The following METTL24 variants were observed in gnomAD, a reference collection of about 807,000 sequenced individuals.
METTL24 encodes the protein methyltransferase like 24.
METTL24 carries 29 observed loss-of-function variants against 32.7 expected under a neutral mutation model. That is an observed-to-expected ratio of 0.89 (90% CI 0.66 to 1.21). The LOEUF (loss-of-function observed/expected upper bound fraction) is 1.21. Among genes scored for constraint, METTL24 ranks in the 50% most tolerant of loss-of-function variants. The probability of loss-of-function intolerance (pLI) is 0.00; values close to 1 mark genes in which losing one functional copy is unlikely to be tolerated. For synonymous variants in METTL24, 163 were observed against 179.5 expected (o/e 0.91, Z 0.73); for missense variants, 439 against 468.1 (o/e 0.94, Z 0.57).
intron 1 of METTL24, among the ~76,000 whole-genome samples, chr6:110,323,094 A>G (rs1002839381): frequency 6.6e-6 from 1 of 152,170 alleles, no homozygotes; most frequent in Non-Finnish European, 1.5e-5. Flanking sequence ...CAGGTTGGGG[A>G]ATTTGCAGGA....
At chr6:110,321,297 A>G (rs958070681) in intron 2 of METTL24, among the ~76,000 whole-genome samples, 3 of 152,230 alleles carry the variant, frequency 2.0e-5, no homozygotes, top group Non-Finnish European at 4.4e-5. Flanking sequence ...TTTCTGGGAA[A>G]GATCCAAGAG....
intron 1 of METTL24, among the ~76,000 whole-genome samples, chr6:110,345,571 A>G (rs533346928): frequency 6.6e-6 from 1 of 152,370 alleles, no homozygotes; most frequent in East Asian, 1.9e-4. Context: ...TGTGGTACAT[A>G]TACACCATGG....
chr6:110,347,797 GA>G (rs143701674), intron 1 of METTL24, among the ~76,000 whole-genome samples: 7 of 151,690 alleles, frequency 4.6e-5, no homozygotes, highest in Non-Finnish European at 1.0e-4. Context: ...GCTTTGAGAG[GA>G]AAAAAAATCA....
At chr6:110,274,493 T>A (rs1771010190) in intron 4 of METTL24, among the ~76,000 whole-genome samples, 1 of 152,094 alleles carries the variant, frequency 6.6e-6, no homozygotes, top group Non-Finnish European at 1.5e-5. Flanking sequence ...TACAATGAAC[T>A]TTGGGGACTC....
At chr6:110,318,666 A>G (rs574904210) in intron 2 of METTL24, among the ~76,000 whole-genome samples, 487 of 151,284 alleles carry the variant, frequency 3.2e-3, no homozygotes, top group African/African-American at 6.9e-3. Flanking sequence ...AAAAAAAAAA[A>G]AAAGAAAGAA....
chr6:110,353,554 T>A (rs966154890), intron 1 of METTL24, among the ~76,000 whole-genome samples: 64 of 150,748 alleles, frequency 4.2e-4, no homozygotes, highest in African/African-American at 1.5e-3. Context: ...GTTCTTTTTT[T>A]TTTTTTTTTT....
chr6:110,314,826 G>C (rs932173132), intron 3 of METTL24, among the ~76,000 whole-genome samples: 1 of 152,150 alleles, frequency 6.6e-6, no homozygotes, highest in East Asian at 1.9e-4. Context: ...AGCCGGGTGT[G>C]GTGGGTGCAT....
chr6:110,248,167 A>G (rs1280209639), intron 4 of METTL24, among the ~76,000 whole-genome samples: 1 of 152,166 alleles, frequency 6.6e-6, no homozygotes, highest in Non-Finnish European at 1.5e-5. Context: ...CACCAGGAGC[A>G]GATACCGGCA....
In METTL24 at chr6:110,290,166, C is replaced by CT. The variant is rs959275701; in HGVS notation, c.786+8755dup. On this transcript the variant is annotated intron_variant, in intron 4 of 4. Coordinates refer to ENST00000338882, the MANE Select transcript of METTL24 (RefSeq NM_001123364.3). Reference sequence around the variant, plus strand: ...CCTGGCCTCAAGAGATCCACCCCCCCTCAGCCTCCCAAAGTGCTGGGATTA... The same window carrying CT: ...CCTGGCCTCAAGAGATCCACCCCCCCTTCAGCCTCCCAAAGTGCTGGGATTA... 6.6e-5 allele frequency among the ~76,000 whole-genome samples: 10 copies of CT among 151,366 alleles called. 1 individual carries two copies. Among genetic ancestry groups the CT allele is most frequent in the African/African-American group, 2.5e-4 (10 of 40,758 alleles).
At chr6:110,278,802 A>T (rs1771090317) in intron 4 of METTL24, among the ~76,000 whole-genome samples, 1 of 152,166 alleles carries the variant, frequency 6.6e-6, no homozygotes, top group Non-Finnish European at 1.5e-5. Context: ...TGGGAAGATC[A>T]CTTGAGCCCA....
intron 4 of METTL24, among the ~76,000 whole-genome samples, chr6:110,282,929 T>C (rs1771163334): frequency 6.6e-6 from 1 of 152,178 alleles, no homozygotes; most frequent in Non-Finnish European, 1.5e-5. Context: ...ATAAACGGAT[T>C]CTTTTTTATA....
At chr6:110,272,107 C>T (rs1770967981) in intron 4 of METTL24, among the ~76,000 whole-genome samples, 1 of 152,014 alleles carries the variant, frequency 6.6e-6, no homozygotes, top group South Asian at 2.1e-4. Flanking sequence ...GGTCTTGTCT[C>T]CCTCACCCTC....
intron 1 of METTL24, among the ~76,000 whole-genome samples, chr6:110,354,807 C>G (rs934865183): frequency 6.6e-6 from 1 of 152,052 alleles, no homozygotes; most frequent in Non-Finnish European, 1.5e-5. Context: ...AAAACAAATT[C>G]AAGATCAACA....
At chr6:110,349,620 G>C (rs1015313354) in intron 1 of METTL24, among the ~76,000 whole-genome samples, 1 of 152,226 alleles carries the variant, frequency 6.6e-6, no homozygotes, top group African/African-American at 2.4e-5. Flanking sequence ...TAGCAGATTG[G>C]TGTAATTTAG....
chr6:110,272,465 T>C (rs868573520), intron 4 of METTL24, among the ~76,000 whole-genome samples: 3 of 152,174 alleles, frequency 2.0e-5, no homozygotes, highest in Admixed American at 6.6e-5. Flanking sequence ...AATAACTTCT[T>C]TTCCTCTGGG....
chr6:110,286,788 G>A (rs537597427), intron 4 of METTL24, among the ~76,000 whole-genome samples: 10 of 152,294 alleles, frequency 6.6e-5, no homozygotes, highest in African/African-American at 1.9e-4. Flanking sequence ...CCCTTAATCC[G>A]AGTGGGCACA....
chr6:110,265,149 GAAAGAAAGAAAGAAAGAAAGAAAGA>G (rs1770829487), intron 4 of METTL24, among the ~76,000 whole-genome samples: 3 of 100,658 alleles, frequency 3.0e-5, no homozygotes, highest in Admixed American at 9.2e-5. Flanking sequence ...AAGAAAGAAA[GAAAGAAAGAAAGAAAGAAAGAAAGA>G]AAGAAAGAAA....
At chr6:110,250,565 GGTAGC>G (rs1584101684) in intron 4 of METTL24, among the ~76,000 whole-genome samples, 1 of 151,234 alleles carries the variant, frequency 6.6e-6, no homozygotes, top group Non-Finnish European at 1.5e-5. Flanking sequence ...CAGTGTTTGG[GGTAGC>G]TTTTGCAATA....
chr6:110,274,802 C>CTTTTTT (rs1196371607), intron 4 of METTL24, among the ~76,000 whole-genome samples: 13 of 90,126 alleles, frequency 1.4e-4, no homozygotes, highest in African/African-American at 2.5e-4. Flanking sequence ...TTCGTTCTTT[C>CTTTTTT]TTTTTTTTTT....
Sources: gnomAD v4.1 joint callset for allele counts (sites outside exome capture counted in the v4.1 genomes callset) on GRCh38, gnomAD v4.1.1 for gene constraint, MANE v1.5 for transcripts, NCBI Gene and HGNC (gene_info 2026-07-23, HGNC 2026-07-21) for gene names.